Variants in DNAH3 observed in about 807,000 individuals in gnomAD.
DNAH3 encodes dynein axonemal heavy chain 3.
In DNAH3, 332 loss-of-function variants were observed where a neutral mutation model predicts 432.5. The ratio of observed to expected loss-of-function variants is 0.77; its 90% CI spans 0.70 to 0.84. DNAH3 has a LOEUF of 0.84. Among genes scored for constraint, DNAH3 ranks in the 40% least tolerant of loss-of-function variants. DNAH3 has a pLI of 0.00. For missense variants in DNAH3, 4,861 were observed against 5,114.0 expected, an observed-to-expected ratio of 0.95 and a Z score of 1.51; for synonymous variants, 1,956 against 1,900.2, an observed-to-expected ratio of 1.03 and a Z score of -0.76.
intron 1 of DNAH3, among the ~76,000 whole-genome samples, chr16:21,155,353 G>A (rs1315195914): frequency 6.6e-6 from 1 of 152,080 alleles, no homozygotes; most frequent in Non-Finnish European, 1.5e-5. Context: ...GCCGGGAGCA[G>A]TGGCTCATGC....
intron 17 of DNAH3, 94 bp downstream of exon 17, chr16:21,098,522 A>G (rs1302625360): frequency 7.8e-7 from 1 of 1,283,012 alleles, no homozygotes; most frequent in Non-Finnish European, 1.1e-6. Context: ...CTATCCACCT[A>G]GTAGATGCTA....
chr16:21,045,372 G>A (rs2089646864), intron 31 of DNAH3, among the ~76,000 whole-genome samples: 1 of 149,748 alleles, frequency 6.7e-6, no homozygotes, highest in African/African-American at 2.5e-5. Flanking sequence ...GGTCTATTCA[G>A]AGATTCAACT....
At chr16:20,997,675 G>A (rs1395541421) in intron 43 of DNAH3, among the ~76,000 whole-genome samples, 1 of 151,860 alleles carries the variant, frequency 6.6e-6, no homozygotes. Flanking sequence ...CTCTGTCCAC[G>A]TGACTATAAG....
chr16:21,046,774 T>A (rs180748377), intron 31 of DNAH3, among the ~76,000 whole-genome samples: 42 of 152,330 alleles, frequency 2.8e-4, no homozygotes, highest in Non-Finnish European at 5.7e-4. Flanking sequence ...CTAGTCTCGA[T>A]GGTCTTTACA....
At position 21,036,749 on chromosome 16, in the gene DNAH3, G is replaced by A; in HGVS notation, c.5050C>T (p.Gln1684Ter). Residue 1684 changes from glutamine (Q) to a stop codon, truncating the protein, a stop_gained, in exon 35 of 62, where the codon CAG becomes TAG. Transcript: ENST00000261383. LOFTEE classifies it high-confidence loss of function. ...TTCCCTATAAACCAAGGTACTGGCT[G>A]GAGTTTCATCTTTTTGATGTTATCA... is the stretch of plus-strand genomic sequence containing the variant. 1 of 1,613,980 alleles carries A rather than the reference G, an allele frequency of 6.2e-7. No homozygotes were observed. The highest frequency in any genetic ancestry group is 8.5e-7 in the Non-Finnish European group (1 of 1,179,960).
At chr16:21,076,575 T>C (rs1008511970) in intron 20 of DNAH3, among the ~76,000 whole-genome samples, 3 of 152,076 alleles carry the variant, frequency 2.0e-5, no homozygotes, top group African/African-American at 4.8e-5. Flanking sequence ...AAACTGAATC[T>C]TTAAGGAAGG....
At chr16:21,032,189 G>T (rs2088915942) in intron 36 of DNAH3, among the ~76,000 whole-genome samples, 1 of 152,070 alleles carries the variant, frequency 6.6e-6, no homozygotes, top group South Asian at 2.1e-4. Flanking sequence ...GCTGAAGGAA[G>T]AAATTAAAAA....
chr16:21,058,998 GTAAAA>G (rs999569677), intron 26 of DNAH3, among the ~76,000 whole-genome samples: 1 of 151,658 alleles, frequency 6.6e-6, no homozygotes, highest in African/African-American at 2.4e-5. Flanking sequence ...AGAACTTAAA[GTAAAA>G]TAAAATAAAA....
intron 32 of DNAH3, among the ~76,000 whole-genome samples, chr16:21,040,358 A>AATTTTTT (rs2089377392): frequency 1.3e-5 from 1 of 79,712 alleles, no homozygotes; most frequent in Non-Finnish European, 2.2e-5. Context: ...AGCCAGACAG[A>AATTTTTT]TTTTTTTTTT....
At chr16:21,126,536 C>A (rs112642761) in intron 8 of DNAH3, among the ~76,000 whole-genome samples, 198 of 152,296 alleles carry the variant, frequency 1.3e-3, no homozygotes, top group African/African-American at 4.3e-3. Flanking sequence ...ATGTATGAAA[C>A]CCTTTTGCCT....
chr16:21,042,438 G>C (rs1433288991), intron 31 of DNAH3, among the ~76,000 whole-genome samples: 1 of 152,036 alleles, frequency 6.6e-6, no homozygotes, highest in African/African-American at 2.4e-5. Flanking sequence ...CTTTATCTTT[G>C]TTTCAACACC....
chr16:20,989,062 A>G (rs546764016), intron 44 of DNAH3, among the ~76,000 whole-genome samples: 3 of 152,312 alleles, frequency 2.0e-5, no homozygotes, highest in South Asian at 4.1e-4. Flanking sequence ...ATTTACTGCA[A>G]AGAGCGAAAG....
At chr16:20,944,502 G>A (rs376159864) in exon 58 of DNAH3, 4 of 1,614,064 alleles carry the variant, frequency 2.5e-6, no homozygotes, top group Non-Finnish European at 3.4e-6. Context: ...TTACCTGAGG[G>A]GACTTGCCAC....
At chr16:21,042,227 T>C in intron 31 of DNAH3, 24 bp from the exon 32 acceptor site, 2 of 1,566,464 alleles carry the variant, frequency 1.3e-6, no homozygotes, top group Non-Finnish European at 1.7e-6. Flanking sequence ...GCCCGGCTGA[T>C]AAGAGCATCT....
intron 19 of DNAH3, among the ~76,000 whole-genome samples, chr16:21,085,801 C>T (rs951028380): frequency 1.3e-5 from 2 of 151,670 alleles, no homozygotes; most frequent in South Asian, 2.1e-4. Context: ...TTTTTGTCCC[C>T]CCGTTACCCA....
intron 46 of DNAH3, 43 bp downstream of exon 46, chr16:20,987,650 G>A (rs758944206): frequency 3.1e-6 from 5 of 1,605,868 alleles, no homozygotes; most frequent in Non-Finnish European, 4.3e-6. Context: ...ATGTAGCCAA[G>A]GATATGCTGA....
Position 21,034,016 on chromosome 16 carries a change from C to CAG in DNAH3, c.5153_5154dup (p.Ala1719LeufsTer46), listed in dbSNP as rs1301684968. ...AGAGCTGCAGCCAACACTTTATAAG[C>CAG]AGAGGTCTTGCCGCCCATGGGGTCT... On this transcript the variant is annotated frameshift_variant, in exon 36 of 62. Transcript: ENST00000261383. LOFTEE classifies it high-confidence loss of function. 6.2e-7 allele frequency: 1 copy of CAG among 1,613,836 alleles called. No homozygotes were observed. Among genetic ancestry groups the CAG allele is most frequent in the South Asian group, 1.1e-5 (1 of 91,054 alleles).
chr16:20,959,363 T>G, exon 54 of DNAH3: 1 of 1,614,220 alleles, frequency 6.2e-7, no homozygotes, highest in East Asian at 2.2e-5. Flanking sequence ...GTCTGTGTTC[T>G]GGTACCTCCC....
At chr16:21,145,546 G>A (rs183207914) in intron 2 of DNAH3, 140 bp from the exon 4 acceptor site, 10 of 710,830 alleles carry the variant, frequency 1.4e-5, no homozygotes, top group Admixed American at 1.3e-4. Flanking sequence ...TGGAAAGATT[G>A]TCTGAACAGA....
Sources: allele counts gnomAD v4.1 joint callset (sites outside exome capture counted in the v4.1 genomes callset), GRCh38; gene constraint gnomAD v4.1.1; transcripts MANE v1.5; gene names NCBI Gene and HGNC (gene_info 2026-07-23, HGNC 2026-07-21).